NCS1: variants seen among roughly 807,000 people sequenced by gnomAD.
NCS1 encodes the protein neuronal calcium sensor 1.
NCS1 carries 6 observed loss-of-function variants against 28.4 expected under a neutral mutation model. The ratio of observed to expected loss-of-function variants is 0.21; its 90% CI spans 0.12 to 0.42. The LOEUF (loss-of-function observed/expected upper bound fraction) is 0.42, where lower values mean the gene tolerates loss of function less well. Among genes scored for constraint, NCS1 ranks in the 10% least tolerant of loss-of-function variants. NCS1 has a pLI of 1.00. For missense variants in NCS1, 131 were observed against 241.4 expected, an observed-to-expected ratio of 0.54 and a Z score of 3.03; for synonymous variants, 86 against 99.3, an observed-to-expected ratio of 0.87 and a Z score of 0.79.
rs954475413 is a variant in NCS1, at chr9:130,219,979, C to T, written c.307+176C>T. 1.3e-5 allele frequency among the ~76,000 whole-genome samples: 2 copies of T among 152,246 alleles called. No homozygotes were observed. Among genetic ancestry groups the T allele is most frequent in the African/African-American group, 2.4e-5 (1 of 41,468 alleles). ...GGGCCCTGGGCAGGTGGCCCTCACA[C>T]GGCCACGTAACTAGGCCAGGCTGAC... On this transcript the variant is annotated intron_variant, in intron 4 of 7. Coordinates refer to ENST00000372398, the MANE Select transcript of NCS1 (RefSeq NM_014286.4). This position sits in a 1 kb window ranked among gnomAD's most constrained non-coding sequence, Gnocchi z 5.7.
chr9:130,226,639 TG>T lies in NCS1; in HGVS notation c.*17+138del. On this transcript the variant is annotated intron_variant, in intron 7 of 7. Coordinates refer to ENST00000372398, the MANE Select transcript of NCS1 (RefSeq NM_014286.4). The surrounding 1 kb of genome is among the most constrained non-coding windows in gnomAD (Gnocchi z 4.8). ...GTGGTCAGCCTAGCAGGGACATAGC[TG>T]GGAGGAGGAGGCTGGAAGGGGGGCC... 1.6e-6 allele frequency: 1 copy of T among 639,138 alleles called. No homozygotes were observed. The highest frequency in any genetic ancestry group is 1.8e-5 in the African/African-American group (1 of 55,270). The allele number at this position is 639,138 out of a possible 1,614,324, so 39.6% of individuals were successfully genotyped here. A position where few individuals can be genotyped will look rare whatever the true frequency, so the allele number is the denominator to read the frequency against.
At chr9:130,179,993 T>TTTTA (rs1244844210) in intron 1 of NCS1, among the ~76,000 whole-genome samples, 25 of 139,596 alleles carry the variant, frequency 1.8e-4, no homozygotes, top group African/African-American at 6.5e-4. Context: ...CTTGCCTTCT[T>TTTTA]TTTATCTATC....
rs1832740358 is a variant in NCS1, at chr9:130,186,534, T to G, written c.64+13807T>G. Among the ~76,000 whole-genome samples the G allele has an allele frequency of 6.6e-6, 1 of 151,974 alleles. No individual in the cohort carries two copies. The highest frequency in any genetic ancestry group is 2.4e-5 in the African/African-American group (1 of 41,364). On this transcript the variant is annotated intron_variant, in intron 1 of 7. Transcript: ENST00000372398. The surrounding 1 kb of genome is among the most constrained non-coding windows in gnomAD (Gnocchi z 4.1). ...GGGTTTGTGTGGGGGACGATGAGAG[T>G]GCTTCAGGCAGCAGGAACAGCATGT...
At position 130,198,546 on chromosome 9, in the gene NCS1, T is replaced by G. The variant is rs1325768506; in HGVS notation, c.65-2412T>G. 1.5e-4 allele frequency among the ~76,000 whole-genome samples: 23 copies of G among 152,214 alleles called. 1 individual carries two copies. Among genetic ancestry groups the G allele is most frequent in the African/African-American group, 2.4e-5 (1 of 41,450 alleles). Reference sequence around the variant, plus strand: ...GGGGCACCGTCCCAGCTCTGCTGTTTCCTGGCAAAGGGACCTCAGGTGATC... The same window carrying G: ...GGGGCACCGTCCCAGCTCTGCTGTTGCCTGGCAAAGGGACCTCAGGTGATC... On this transcript the variant is annotated intron_variant, in intron 1 of 7. Coordinates refer to ENST00000372398, the MANE Select transcript of NCS1 (RefSeq NM_014286.4).
At chr9:130,203,139 T>A (rs556693093) in intron 2 of NCS1, among the ~76,000 whole-genome samples, 36,196 of 126,024 alleles carry the variant, frequency 0.29, 4,615 homozygotes, top group Middle Eastern at 0.34. Flanking sequence ...TATATATATT[T>A]TTTTTTTTTT....
chr9:130,206,492 T>G (rs1833026044), intron 2 of NCS1, among the ~76,000 whole-genome samples: 1 of 148,686 alleles, frequency 6.7e-6, no homozygotes, highest in East Asian at 2.0e-4. Context: ...CACTGCAATC[T>G]CTACCTCCTG....
At chr9:130,227,281 C>G (rs1444867656) in intron 7 of NCS1, among the ~76,000 whole-genome samples, 1 of 151,916 alleles carries the variant, frequency 6.6e-6, no homozygotes, top group Non-Finnish European at 1.5e-5. Flanking sequence ...CCCCTTTTTT[C>G]CTGCCTCTTC....
At position 130,217,941 on chromosome 9, in the gene NCS1, T is replaced by C. The variant is rs1554909617; in HGVS notation, c.199T>C (p.Phe67Leu). ...PFGDPTKFAT[F>L]VFNVFDENKD... ...CGGAGACCCCACCAAGTTTGCCACA[T>C]TTGTTTTCAACGTCTTTGATGAAAA... Residue 67 changes from phenylalanine to leucine, a missense_variant, in exon 3 of 8, where the codon TTT becomes CTT. Phe to Leu is a conservative substitution (Grantham distance 22). Around this residue, in one of 2 missense-constraint regions of NCS1, gnomAD observed 100 missense variants for 210.3 expected, o/e 0.48. Coordinates refer to ENST00000372398, the MANE Select transcript of NCS1 (RefSeq NM_014286.4). 1.9e-6 allele frequency: 3 copies of C among 1,614,080 alleles called. No homozygotes were observed. In the Admixed American group the frequency reaches 5.0e-5, roughly 27 times the overall value.
intron 1 of NCS1, among the ~76,000 whole-genome samples, chr9:130,178,238 G>A (rs188631568): frequency 1.2e-4 from 18 of 152,308 alleles, no homozygotes; most frequent in Non-Finnish European, 2.1e-4. Flanking sequence ...TCCAGGGCAG[G>A]TGGCCTGTGG....
chr9:130,210,028 G>C (rs1035203643), intron 2 of NCS1, among the ~76,000 whole-genome samples: 6 of 152,054 alleles, frequency 3.9e-5, no homozygotes, highest in Non-Finnish European at 8.8e-5. Context: ...TAAACATCTC[G>C]GGCTGAGTTA....
chr9:130,206,911 C>T (rs1299269855), intron 2 of NCS1, among the ~76,000 whole-genome samples: 1 of 152,114 alleles, frequency 6.6e-6, no homozygotes, highest in Admixed American at 6.5e-5. Flanking sequence ...ACATGGTTTT[C>T]CTCTCCCACC....
In NCS1 at chr9:130,219,572, G is replaced by A. The variant is rs551870839; in HGVS notation, c.229-153G>A. Among the ~76,000 whole-genome samples, 5 of 123,200 alleles carry A rather than the reference G, an allele frequency of 4.1e-5. No homozygotes were observed. Among genetic ancestry groups the A allele is most frequent in the Non-Finnish European group, 6.8e-5 (4 of 59,026 alleles). The allele number at this position is 123,200 out of a possible 152,430, so 80.8% of individuals were successfully genotyped here. ...GCTCCCCACCCTCTCCTTGCCTCTC[G>A]CCCCCCATTCCTTCGAGCCTGCCCT... On this transcript the variant is annotated intron_variant, in intron 3 of 7. Transcript: ENST00000372398. This position sits in a 1 kb window ranked among gnomAD's most constrained non-coding sequence, Gnocchi z 5.7.
chr9:130,227,754 A>G (rs1422469543), intron 7 of NCS1, among the ~76,000 whole-genome samples: 1 of 152,236 alleles, frequency 6.6e-6, no homozygotes, highest in African/African-American at 2.4e-5. Flanking sequence ...ATTACCACAA[A>G]CAGCAGCTTA....
chr9:130,190,422 GTAGGTTTTATCGCCCT>G (rs1554906123), intron 1 of NCS1, among the ~76,000 whole-genome samples: 2 of 152,158 alleles, frequency 1.3e-5, no homozygotes, highest in African/African-American at 4.8e-5. Context: ...TGTAACTATG[GTAGGTTTTATCGCCCT>G]TAGTTTTCTG....
intron 2 of NCS1, among the ~76,000 whole-genome samples, chr9:130,212,875 G>T (rs2131146081): frequency 6.6e-6 from 1 of 152,200 alleles, no homozygotes; most frequent in Non-Finnish European, 1.5e-5. Context: ...CAGATGGGTG[G>T]CACGTCAGGC....
intron 1 of NCS1, among the ~76,000 whole-genome samples, chr9:130,173,781 TGGAGGCTGG>T (rs1832525031): frequency 1.3e-5 from 2 of 152,178 alleles, no homozygotes; most frequent in Admixed American, 1.3e-4. Flanking sequence ...CATGTGTTGA[TGGAGGCTGG>T]GGAGGCAGCT....
intron 1 of NCS1, among the ~76,000 whole-genome samples, chr9:130,174,168 A>G (rs1379939388): frequency 6.6e-6 from 1 of 152,212 alleles, no homozygotes; most frequent in East Asian, 1.9e-4. Flanking sequence ...TGTGGCCCAC[A>G]GCCGCCAGCA....
intron 1 of NCS1, among the ~76,000 whole-genome samples, chr9:130,183,832 CAG>C (rs1207658584): frequency 5.5e-5 from 8 of 144,944 alleles, no homozygotes; most frequent in African/African-American, 2.0e-4. Context: ...TTTTTTGAGA[CAG>C]AGTCTCGCTC....
intron 3 of NCS1, among the ~76,000 whole-genome samples, 199 bp downstream of exon 3, chr9:130,218,169 A>G (rs1833216800): frequency 1.3e-5 from 2 of 152,320 alleles, no homozygotes; most frequent in Middle Eastern, 3.4e-3. Flanking sequence ...ATAAACACAG[A>G]TGCATCCAAA....
Sources: gnomAD v4.1 joint callset for allele counts (sites outside exome capture counted in the v4.1 genomes callset) on GRCh38, gnomAD v4.1.1 for gene constraint, gnomAD v4.1.1 regional missense constraint, Gnocchi (gnomAD v3.1) non-coding constraint, MANE v1.5 for transcripts, NCBI Gene and HGNC (gene_info 2026-07-23, HGNC 2026-07-21) for gene names.